Variants in CAMSAP1 observed in about 807,000 individuals in gnomAD.
CAMSAP1 encodes calmodulin regulated spectrin associated protein 1, also known as calmodulin-regulated spectrin-associated protein 1.
CAMSAP1 carries 58 observed loss-of-function variants against 143.5 expected under a neutral mutation model. The ratio of observed to expected loss-of-function variants is 0.40; its 90% CI spans 0.33 to 0.50. The LOEUF is 0.50. CAMSAP1 is among the 20% of genes least tolerant of loss of function. CAMSAP1 has a pLI of 0.45. For synonymous variants in CAMSAP1, 945 were observed against 859.3 expected, an observed-to-expected ratio of 1.10 and a Z score of -1.74; for missense variants, 1,969 against 2,115.7, an observed-to-expected ratio of 0.93 and a Z score of 1.36.
chr9:135,880,775 T>G (rs1564455737), intron 3 of CAMSAP1, among the ~76,000 whole-genome samples: 1 of 152,222 alleles, frequency 6.6e-6, no homozygotes, highest in Admixed American at 6.5e-5. Flanking sequence ...TCCTTTGCTG[T>G]GTTAATGCGC....
intron 1 of CAMSAP1, among the ~76,000 whole-genome samples, chr9:135,894,161 G>C (rs1281601414): frequency 6.6e-6 from 1 of 152,092 alleles, no homozygotes; most frequent in Non-Finnish European, 1.5e-5. Context: ...AGGGACATCA[G>C]CAAGAGATCC....
At chr9:135,883,571 T>C (rs1262793315) in intron 1 of CAMSAP1, among the ~76,000 whole-genome samples, 1 of 152,002 alleles carries the variant, frequency 6.6e-6, no homozygotes, top group Non-Finnish European at 1.5e-5. Context: ...GACATGAAAA[T>C]CAGAAGTGAT....
At chr9:135,846,682 CAAAAA>C (rs752714756) in intron 7 of CAMSAP1, among the ~76,000 whole-genome samples, 12 of 53,698 alleles carry the variant, frequency 2.2e-4, no homozygotes, top group African/African-American at 7.2e-4. Context: ...ACAAATTTAC[CAAAAA>C]AAAAAAAAAA....
chr9:135,858,154 CTTTT>C (rs34496524), intron 5 of CAMSAP1, among the ~76,000 whole-genome samples: 20 of 141,486 alleles, frequency 1.4e-4, no homozygotes, highest in African/African-American at 4.7e-4. Flanking sequence ...TCCACTTTGC[CTTTT>C]TTTTTTTTTT....
chr9:135,833,078 CTTTTTTTTT>C (rs56081448), intron 7 of CAMSAP1, among the ~76,000 whole-genome samples: 1 of 96,534 alleles, frequency 1.0e-5, no homozygotes, highest in Non-Finnish European at 2.0e-5. Context: ...CCACAGTAAT[CTTTTTTTTT>C]TTTTTTTTTT....
chr9:135,895,999 AAAAC>A (rs1294117449), intron 1 of CAMSAP1, among the ~76,000 whole-genome samples: 3 of 152,232 alleles, frequency 2.0e-5, no homozygotes, highest in Non-Finnish European at 4.4e-5. Context: ...AAACAAACAG[AAAAC>A]AAACTATAAA....
chr9:135,872,877 TGGC>T (rs1362646688), intron 3 of CAMSAP1, among the ~76,000 whole-genome samples: 1 of 152,140 alleles, frequency 6.6e-6, no homozygotes, highest in East Asian at 1.9e-4. Context: ...CAGAACCAAA[TGGC>T]GGGTTACAAG....
intron 14 of CAMSAP1, 188 bp downstream of exon 14, chr9:135,817,789 C>T (rs1002189443): frequency 1.0e-5 from 6 of 581,482 alleles, no homozygotes; most frequent in East Asian, 8.8e-5. Context: ...CCACGTTTAA[C>T]CAGCTGGGGA....
chr9:135,872,632 A>G (rs571565951), intron 3 of CAMSAP1, among the ~76,000 whole-genome samples: 10 of 152,224 alleles, frequency 6.6e-5, no homozygotes, highest in Non-Finnish European at 1.2e-4. Flanking sequence ...TTAAAGAGAA[A>G]GACAACAAGA....
chr9:135,824,904 G>A lies in CAMSAP1; in HGVS notation c.1224-24C>T. The stretch of plus-strand genomic sequence containing the variant: ...CGCTAAATGGAAAAAGAATTACAGG[G>A]AAAATCATTCCTTTATCAAACTTCA... On this transcript the variant is annotated intron_variant, in intron 8 of 16. Coordinates refer to ENST00000389532, the MANE Select transcript of CAMSAP1 (RefSeq NM_015447.4). The surrounding 1 kb of genome is among the most constrained non-coding windows in gnomAD (Gnocchi z 4.1). 1 of 1,541,930 alleles carries A rather than the reference G, an allele frequency of 6.5e-7. No individual in the cohort carries two copies. The highest frequency in any genetic ancestry group is 8.8e-7 in the Non-Finnish European group (1 of 1,135,510).
In CAMSAP1 at chr9:135,821,325, G is replaced by A; in HGVS notation, c.3336C>T (p.Asp1112=). 17 of 1,613,446 alleles carry A rather than the reference G, an allele frequency of 1.1e-5. No homozygotes were observed. Among genetic ancestry groups the A allele is most frequent in the Non-Finnish European group, 1.4e-5 (17 of 1,179,880 alleles). The change falls in exon 11 of 17, where the codon GAC becomes GAT. Residue 1112 remains aspartate (D), a synonymous_variant. Transcript: ENST00000389532. The surrounding 1 kb of genome is among the most constrained non-coding windows in gnomAD (Gnocchi z 4.6). ...GRPAELKVPK[D]RPQGSSRSKT... is the part of the protein sequence containing the mutation. ...TACTTCGGGAGGAGCCCTGTGGCCTGTCTTTTGGGACCTTCAGCTCCGCCG... is the reference window on the plus strand; with the variant it reads ...TACTTCGGGAGGAGCCCTGTGGCCTATCTTTTGGGACCTTCAGCTCCGCCG...
intron 7 of CAMSAP1, among the ~76,000 whole-genome samples, chr9:135,835,648 T>A (rs142420158): frequency 2.0e-5 from 3 of 152,346 alleles, no homozygotes; most frequent in Non-Finnish European, 4.4e-5. Flanking sequence ...CAGTATGCCA[T>A]GCTGGACGGA....
At chr9:135,831,763 ATAT>A (rs1216982723) in intron 7 of CAMSAP1, among the ~76,000 whole-genome samples, 26 of 152,166 alleles carry the variant, frequency 1.7e-4, no homozygotes, top group African/African-American at 6.0e-4. Flanking sequence ...AAAAGAGGAG[ATAT>A]TATAATAGAT....
At chr9:135,839,024 G>A (rs1255017263) in intron 7 of CAMSAP1, among the ~76,000 whole-genome samples, 8 of 151,710 alleles carry the variant, frequency 5.3e-5, no homozygotes, top group East Asian at 1.9e-4. Context: ...ACATTGTTAC[G>A]CACTTTCTAC....
rs7038895 is a variant in CAMSAP1, at chr9:135,828,139, G to A, written c.1046-555C>T. Among the ~76,000 whole-genome samples, 430 of 152,362 alleles carry A rather than the reference G, an allele frequency of 2.8e-3. 1 individual carries two copies. The highest frequency in any genetic ancestry group is 9.4e-3 in the African/African-American group (391 of 41,590). ...GTGAGGTGCTGAGCCTGGCTGGGGC[G>A]CCATTCCCTTTCTTGGCCCACGCCT... On this transcript the variant is annotated intron_variant, in intron 7 of 16. Transcript: ENST00000389532.
intron 7 of CAMSAP1, among the ~76,000 whole-genome samples, chr9:135,841,913 A>C (rs1409942025): frequency 6.6e-6 from 1 of 152,230 alleles, no homozygotes; most frequent in Non-Finnish European, 1.5e-5. Context: ...AAAAGGCTGA[A>C]AATTCCAAAA....
intron 10 of CAMSAP1, 133 bp downstream of exon 10, chr9:135,823,817 A>G (rs1835574775): frequency 1.4e-6 from 1 of 691,806 alleles, no homozygotes; most frequent in East Asian, 2.7e-5. Flanking sequence ...GTTGTTATAA[A>G]AATAATTCTG....
rs1165351816 is a variant in CAMSAP1, at chr9:135,811,549, G to A, written c.4569C>T (p.Phe1523=). The A allele has an allele frequency of 3.1e-6, 5 of 1,604,534 alleles. No homozygotes were observed. The highest frequency in any genetic ancestry group is 1.3e-5 in the African/African-American group (1 of 74,790). Residue 1523 remains phenylalanine, a synonymous_variant, in exon 17 of 17, where the codon TTC becomes TTT. Coordinates refer to ENST00000389532, the MANE Select transcript of CAMSAP1 (RefSeq NM_015447.4). This position sits in a 1 kb window ranked among gnomAD's most constrained non-coding sequence, Gnocchi z 4.9. ...IILFRDAGCQ[F]RALYCYYPDT... ...CAGGATAGTAGCAGTAAAGCGCCCT[G>A]AACTGGCAGCCAGCATCACGAAACA...
chr9:135,888,349 G>A (rs1361738063), intron 1 of CAMSAP1, among the ~76,000 whole-genome samples: 1 of 152,194 alleles, frequency 6.6e-6, no homozygotes, highest in Admixed American at 6.5e-5. Context: ...CCTGCACGGG[G>A]CTCGGGAGGA....
Sources: allele counts gnomAD v4.1 joint callset (sites outside exome capture counted in the v4.1 genomes callset), GRCh38; gene constraint gnomAD v4.1.1; non-coding constraint Gnocchi (gnomAD v3.1); transcripts MANE v1.5; gene names NCBI Gene and HGNC (gene_info 2026-07-23, HGNC 2026-07-21).